The following ADCY2 variants were observed in gnomAD, a reference collection of about 807,000 sequenced individuals.
The protein encoded by ADCY2 is adenylate cyclase 2, also known as adenylate cyclase type 2.
Under a neutral mutation model 125.2 loss-of-function variants are expected in ADCY2, and 31 were observed. That is an observed-to-expected ratio of 0.25 (90% CI 0.19 to 0.33). The LOEUF (loss-of-function observed/expected upper bound fraction) is 0.33, where lower values mean the gene tolerates loss of function less well. ADCY2 is among the 10% of genes least tolerant of loss of function. The pLI is 1.00. For missense variants in ADCY2, 904 were observed against 1,418.2 expected, an observed-to-expected ratio of 0.64 and a Z score of 5.82; for synonymous variants, 512 against 548.4, an observed-to-expected ratio of 0.93 and a Z score of 0.93.
intron 22 of ADCY2, among the ~76,000 whole-genome samples, chr5:7,806,542 G>C (rs1378855235): frequency 6.6e-6 from 1 of 152,104 alleles, no homozygotes; most frequent in Non-Finnish European, 1.5e-5. Flanking sequence ...GTCTGCTGAG[G>C]GCTCCTCTTC....
chr5:7,675,880 G>A (rs903272853), intron 4 of ADCY2, among the ~76,000 whole-genome samples: 34 of 152,280 alleles, frequency 2.2e-4, no homozygotes, highest in African/African-American at 8.2e-4. Flanking sequence ...AATTGATATC[G>A]TTGGTATTAT....
chr5:7,556,985 AGAT>A (rs1735525950), intron 3 of ADCY2, among the ~76,000 whole-genome samples: 1 of 152,078 alleles, frequency 6.6e-6, no homozygotes, highest in South Asian at 2.1e-4. Flanking sequence ...AAGAAACGAT[AGAT>A]GATTTTAGTT....
chr5:7,570,620 CA>C (rs33956366), intron 3 of ADCY2, among the ~76,000 whole-genome samples: 19,630 of 112,824 alleles, frequency 0.17, 1,259 homozygotes, highest in African/African-American at 0.22. Context: ...AGTCAAGGGA[CA>C]AAAAAAAAAA....
intron 2 of ADCY2, 50 bp downstream of exon 2, chr5:7,414,820 C>T: frequency 6.6e-7 from 1 of 1,510,002 alleles, no homozygotes; most frequent in Non-Finnish European, 9.0e-7. Context: ...TGATTTGTGA[C>T]ATACTTAGTT....
intron 20 of ADCY2, chr5:7,795,830 T>C (rs921698272): frequency 7.2e-5 from 11 of 152,294 alleles, no homozygotes; most frequent in African/African-American, 2.6e-4. Flanking sequence ...TACACTATAC[T>C]GTATGTTTTA....
intron 3 of ADCY2, among the ~76,000 whole-genome samples, chr5:7,602,609 G>T (rs780714793): frequency 5.9e-5 from 9 of 152,096 alleles, no homozygotes; most frequent in Non-Finnish European, 1.2e-4. Context: ...ATTTCTCTTG[G>T]CATTATTGCC....
intron 2 of ADCY2, among the ~76,000 whole-genome samples, chr5:7,445,541 G>A (rs1741213344): frequency 6.6e-6 from 1 of 152,104 alleles, no homozygotes; most frequent in African/African-American, 2.4e-5. Flanking sequence ...TGTTTTTATG[G>A]GGATTGCATT....
At chr5:7,690,937 G>C in intron 5 of ADCY2, 98 bp downstream of exon 5, 1 of 1,320,144 alleles carries the variant, frequency 7.6e-7, no homozygotes, top group Non-Finnish European at 1.0e-6. Context: ...TCTCTCCTTT[G>C]TGACAGTGGA....
chr5:7,696,043 G>GA (rs1220183684), intron 6 of ADCY2, among the ~76,000 whole-genome samples, 180 bp downstream of exon 6: 3 of 152,102 alleles, frequency 2.0e-5, no homozygotes, highest in Admixed American at 6.5e-5. Flanking sequence ...TCTCAGGGAT[G>GA]AAAAAACGCC....
chr5:7,580,494 G>A (rs1046721482), intron 3 of ADCY2, among the ~76,000 whole-genome samples: 1 of 152,080 alleles, frequency 6.6e-6, no homozygotes, highest in African/African-American at 2.4e-5. Flanking sequence ...GATGACAGAA[G>A]AATAGTATTG....
intron 14 of ADCY2, among the ~76,000 whole-genome samples, chr5:7,728,067 T>A (rs1484369610): frequency 6.6e-6 from 1 of 152,152 alleles, no homozygotes; most frequent in African/African-American, 2.4e-5. Context: ...GATCATATAT[T>A]TTTTTCTTTC....
chr5:7,808,279 G>A (rs1326194868), intron 22 of ADCY2, among the ~76,000 whole-genome samples: 1 of 152,196 alleles, frequency 6.6e-6, no homozygotes, highest in Non-Finnish European at 1.5e-5. Context: ...TATAACAGGT[G>A]CTATGTGTTA....
intron 14 of ADCY2, among the ~76,000 whole-genome samples, chr5:7,743,316 G>A (rs1039162391): frequency 6.6e-6 from 1 of 151,874 alleles, no homozygotes; most frequent in African/African-American, 2.4e-5. Context: ...CAGCTGCCAG[G>A]ATCTCACTGG....
chr5:7,674,647 TG>T (rs112043088), intron 4 of ADCY2, among the ~76,000 whole-genome samples: 47,265 of 152,122 alleles, frequency 0.31, 7,964 homozygotes, highest in Non-Finnish European at 0.38. Context: ...CCCCACTTTG[TG>T]GGTATTCAGA....
chr5:7,679,400 C>T (rs564452936), intron 4 of ADCY2, among the ~76,000 whole-genome samples: 2 of 152,270 alleles, frequency 1.3e-5, no homozygotes, highest in African/African-American at 2.4e-5. Context: ...CCTTGTCCAA[C>T]GTGTTAGAAG....
At chr5:7,653,763 A>C (rs962096660) in intron 4 of ADCY2, among the ~76,000 whole-genome samples, 1 of 152,232 alleles carries the variant, frequency 6.6e-6, no homozygotes, top group African/African-American at 2.4e-5. Context: ...ATTTAAACAA[A>C]AATTGCCTTA....
chr5:7,765,939 G>A (rs997326386), intron 16 of ADCY2, among the ~76,000 whole-genome samples: 8 of 149,928 alleles, frequency 5.3e-5, no homozygotes, highest in Admixed American at 6.7e-5. Context: ...GCGAGCGAGC[G>A]AGAGAGAGAG....
chr5:7,421,548 G>T (rs1195176729), intron 2 of ADCY2, among the ~76,000 whole-genome samples: 4 of 152,180 alleles, frequency 2.6e-5, no homozygotes, highest in Non-Finnish European at 5.9e-5. Context: ...CATCTGCAAA[G>T]ACCCTGTTTC....
intron 3 of ADCY2, among the ~76,000 whole-genome samples, chr5:7,533,492 T>A (rs1050252388): frequency 6.6e-6 from 1 of 152,128 alleles, no homozygotes; most frequent in Non-Finnish European, 1.5e-5. Context: ...TTTTAATTAA[T>A]GTTTTCATTT....
Sources: allele counts gnomAD v4.1 joint callset (sites outside exome capture counted in the v4.1 genomes callset), GRCh38; gene constraint gnomAD v4.1.1; transcripts MANE v1.5; gene names NCBI Gene and HGNC (gene_info 2026-07-23, HGNC 2026-07-21).